SLC44A3: variants seen among roughly 807,000 people sequenced by gnomAD.
The protein encoded by SLC44A3 is choline transporter-like protein 3.
A neutral mutation model predicts 75.4 loss-of-function variants in SLC44A3; 74 were observed. That is an observed-to-expected ratio of 0.98 (90% confidence interval 0.81 to 1.19). The LOEUF (loss-of-function observed/expected upper bound fraction) is 1.19, where lower values mean the gene tolerates loss of function less well. Ranked by LOEUF, SLC44A3 falls within the 50% of genes most tolerant of loss-of-function variation. The pLI, the probability that SLC44A3 is intolerant of heterozygous loss-of-function variation, is 0.00. For missense variants in SLC44A3, 700 were observed against 778.6 expected (o/e 0.90, Z 1.20); for synonymous variants, 310 against 296.9 (o/e 1.04, Z -0.45).
At chr1:94,843,677 C>T (rs1663990519) in intron 8 of SLC44A3, 1 of 152,228 alleles carries the variant, frequency 6.6e-6, no homozygotes, top group African/African-American at 2.4e-5. Flanking sequence ...AGGAAGTTCC[C>T]TTGATGGAAG....
intron 12 of SLC44A3, among the ~76,000 whole-genome samples, chr1:94,880,589 T>A (rs1374045593): frequency 1.3e-5 from 2 of 151,612 alleles, no homozygotes; most frequent in Admixed American, 6.6e-5. Flanking sequence ...CTACTTTAGA[T>A]ACTTTAAATG....
chr1:94,837,978 C>T, intron 6 of SLC44A3, 107 bp downstream of exon 6: 1 of 1,051,332 alleles, frequency 9.5e-7, no homozygotes, highest in Non-Finnish European at 1.3e-6. Flanking sequence ...AAATATAAAA[C>T]TCTGTATTTT....
intron 10 of SLC44A3, among the ~76,000 whole-genome samples, chr1:94,858,609 C>T (rs1666192159): frequency 6.6e-6 from 1 of 152,218 alleles, no homozygotes; most frequent in African/African-American, 2.4e-5. Context: ...TTGGGAGAGA[C>T]TATCTGCCAG....
intron 5 of SLC44A3, among the ~76,000 whole-genome samples, chr1:94,837,384 C>T (rs1318083206): frequency 6.6e-6 from 1 of 152,166 alleles, no homozygotes; most frequent in Non-Finnish European, 1.5e-5. Flanking sequence ...CTGTAGCAAT[C>T]ATTTCATGAA....
At chr1:94,824,945 G>A (rs1384392825) in intron 3 of SLC44A3, among the ~76,000 whole-genome samples, 2 of 152,220 alleles carry the variant, frequency 1.3e-5, no homozygotes, top group Non-Finnish European at 1.5e-5. Flanking sequence ...GGATTCATGA[G>A]ACACTGCATG....
chr1:94,839,644 C>T (rs1014118930), intron 6 of SLC44A3, among the ~76,000 whole-genome samples: 15 of 152,310 alleles, frequency 9.8e-5, no homozygotes, highest in Middle Eastern at 6.8e-3. Context: ...CCGCCTCGGC[C>T]TCCCAAAGTG....
chr1:94,886,389 C>T (rs1669587898), intron 12 of SLC44A3, among the ~76,000 whole-genome samples: 1 of 152,068 alleles, frequency 6.6e-6, no homozygotes, highest in African/African-American at 2.4e-5. Context: ...CTGCATCAGC[C>T]CCACCCACCG....
chr1:94,825,886 T>C (rs1346303053), intron 3 of SLC44A3: 1 of 456,274 alleles, frequency 2.2e-6, no homozygotes, highest in East Asian at 7.0e-5. Flanking sequence ...GCCCATGTGC[T>C]CCCATTTCAC....
intron 14 of SLC44A3, 73 bp from the exon 15 acceptor site, chr1:94,894,745 T>A (rs974186569): frequency 9.3e-5 from 119 of 1,277,370 alleles, no homozygotes; most frequent in Middle Eastern, 1.9e-4. Context: ...AAAGGAGAAG[T>A]TTTCCCTCGG....
chr1:94,868,749 T>C (rs962780126), intron 12 of SLC44A3, among the ~76,000 whole-genome samples: 1 of 152,220 alleles, frequency 6.6e-6, no homozygotes, highest in Admixed American at 6.5e-5. Context: ...ACAAAAGCAA[T>C]GAATGGGACC....
intron 12 of SLC44A3, among the ~76,000 whole-genome samples, chr1:94,871,142 T>A (rs542413103): frequency 6.6e-6 from 1 of 152,298 alleles, no homozygotes; most frequent in South Asian, 2.1e-4. Context: ...AGAGGAGGAC[T>A]CATGACCACC....
chr1:94,852,004 A>G (rs1410707241), intron 9 of SLC44A3, among the ~76,000 whole-genome samples: 2 of 152,246 alleles, frequency 1.3e-5, no homozygotes, highest in African/African-American at 4.8e-5. Flanking sequence ...CTTTCAGATT[A>G]TTTTGATGCT....
At chr1:94,866,315 G>T (rs1245948315) in intron 11 of SLC44A3, among the ~76,000 whole-genome samples, 1 of 152,136 alleles carries the variant, frequency 6.6e-6, no homozygotes. Context: ...AAAAGAGAAG[G>T]CCCAAGGACC....
chr1:94,851,392 A>C (rs556872987), intron 9 of SLC44A3, among the ~76,000 whole-genome samples: 24 of 152,166 alleles, frequency 1.6e-4, no homozygotes, highest in Non-Finnish European at 3.4e-4. Context: ...CTGACATTCT[A>C]CTGGGTGGGC....
chr1:94,863,535 T>TA (rs1159584449), intron 10 of SLC44A3, among the ~76,000 whole-genome samples: 7 of 151,204 alleles, frequency 4.6e-5, no homozygotes, highest in African/African-American at 9.7e-5. Flanking sequence ...CGTTCTTCCT[T>TA]AAAAAAAAAG....
intron 2 of SLC44A3, 107 bp downstream of exon 2, chr1:94,821,163 G>A (rs1353231162): frequency 2.4e-6 from 2 of 824,886 alleles, no homozygotes; most frequent in Admixed American, 5.0e-5. Context: ...AGAGACTTCT[G>A]CCGTTAACCC....
Position 94,895,105 on chromosome 1 carries a change from T to C in SLC44A3, c.*183T>C. 1.9e-6 allele frequency: 1 copy of C among 532,818 alleles called. No individual in the cohort carries two copies. Among genetic ancestry groups the C allele is most frequent in the Non-Finnish European group, 3.4e-6 (1 of 294,280 alleles). 33.0% of individuals were successfully genotyped at this position (532,818 alleles called of 1,614,324 possible). On this transcript the variant is annotated 3_prime_UTR_variant, in exon 15 of 15. Coordinates refer to ENST00000271227, the MANE Select transcript of SLC44A3 (RefSeq NM_001114106.3). ...GGTAACAATACTGGAACTATATTAGTTTACCTTTTTTTGTACAAATTAGGA... is the reference window on the plus strand; with the variant it reads ...GGTAACAATACTGGAACTATATTAGCTTACCTTTTTTTGTACAAATTAGGA...
At chr1:94,830,690 G>T (rs1662008393) in intron 5 of SLC44A3, among the ~76,000 whole-genome samples, 2 of 152,148 alleles carry the variant, frequency 1.3e-5, no homozygotes, top group South Asian at 4.1e-4. Flanking sequence ...TGGAGAGGAG[G>T]ACTTTTTTAA....
chr1:94,834,005 G>A (rs965809189), intron 5 of SLC44A3, among the ~76,000 whole-genome samples: 2 of 152,178 alleles, frequency 1.3e-5, no homozygotes, highest in Non-Finnish European at 2.9e-5. Flanking sequence ...TACAAACACT[G>A]TACTCCAGAT....
Sources: gnomAD v4.1 joint callset for allele counts (sites outside exome capture counted in the v4.1 genomes callset) on GRCh38, gnomAD v4.1.1 for gene constraint, MANE v1.5 for transcripts, NCBI Gene and HGNC (gene_info 2026-07-23, HGNC 2026-07-21) for gene names.